Variants in NTRK3 observed in about 807,000 individuals in gnomAD.
NTRK3 encodes neurotrophic receptor tyrosine kinase 3.
In NTRK3, 24 loss-of-function variants were observed where a neutral mutation model predicts 91.7. The ratio of observed to expected loss-of-function variants is 0.26; its 90% CI spans 0.19 to 0.37. The LOEUF is 0.37. Among genes scored for constraint, NTRK3 ranks in the 10% least tolerant of loss-of-function variants. The pLI is 1.00. For synonymous variants in NTRK3, 483 were observed against 404.0 expected, an observed-to-expected ratio of 1.20 and a Z score of -2.34; for missense variants, 880 against 1,068.9, an observed-to-expected ratio of 0.82 and a Z score of 2.46.
intron 13 of NTRK3, among the ~76,000 whole-genome samples, chr15:88,053,960 A>G (rs1326674977): frequency 1.3e-5 from 2 of 152,162 alleles, no homozygotes; most frequent in African/African-American, 4.8e-5. Flanking sequence ...CAGGAAGCTG[A>G]TAGAAAGGTT....
Position 88,252,169 on chromosome 15 carries a change from C to T in NTRK3, c.248+3737G>A, listed in dbSNP as rs761735792. Among the ~76,000 whole-genome samples the T allele has an allele frequency of 2.0e-5, 3 of 152,316 alleles. No homozygotes were observed. The South Asian group carries it at 6.2e-4, about 32-fold the overall frequency. On this transcript the variant is annotated intron_variant, in intron 3 of 18. Coordinates refer to ENST00000394480, the Ensembl canonical transcript of NTRK3. ...CCCTCACATTTCTGCCCACCTCTCTCAGACCTAGTCCTAATCCTGGGGTTC... is the reference window on the plus strand; with the variant it reads ...CCCTCACATTTCTGCCCACCTCTCTTAGACCTAGTCCTAATCCTGGGGTTC...
At chr15:88,108,722 G>A (rs1431334969) in intron 13 of NTRK3, among the ~76,000 whole-genome samples, 3 of 152,198 alleles carry the variant, frequency 2.0e-5, no homozygotes, top group African/African-American at 7.2e-5. Flanking sequence ...CCAAAAAACA[G>A]ACTTGAGTCT....
exon 19 of NTRK3, chr15:87,863,096 G>A: frequency 4.3e-6 from 1 of 231,114 alleles, no homozygotes; most frequent in Non-Finnish European, 8.6e-6. Flanking sequence ...CTACTCTAAA[G>A]CATGCCCTTC....
rs903677283 is a variant in NTRK3, at chr15:87,897,174, A to T, written c.2134-16746T>A. Among the ~76,000 whole-genome samples, 3 of 152,158 alleles carry T rather than the reference A, an allele frequency of 2.0e-5. No homozygotes were observed. In the East Asian group the frequency reaches 5.8e-4, roughly 29 times the overall value. ...CCGTTTAGCAGTGTGAGCCTAGAGG[A>T]TAAATAGGCCCATTGTGATTCTCCC... On this transcript the variant is annotated intron_variant, in intron 17 of 18. Coordinates refer to ENST00000394480, the Ensembl canonical transcript of NTRK3.
chr15:87,870,167 TAAAG>T (rs1027365118), exon 19 of NTRK3: 2 of 183,392 alleles, frequency 1.1e-5, no homozygotes, highest in Admixed American at 1.3e-4. Context: ...AATGAGCAGA[TAAAG>T]AAACTGTGGT....
At chr15:87,960,712 C>T (rs752445324) in intron 14 of NTRK3, among the ~76,000 whole-genome samples, 5 of 152,142 alleles carry the variant, frequency 3.3e-5, no homozygotes, top group East Asian at 1.9e-4. Flanking sequence ...CTTGAACTCC[C>T]GGCCTCAAAG....
intron 5 of NTRK3, among the ~76,000 whole-genome samples, chr15:88,167,369 G>A (rs2045064521): frequency 6.6e-6 from 1 of 152,090 alleles, no homozygotes; most frequent in African/African-American, 2.4e-5. Context: ...CCAGGTGTTG[G>A]CAGCAGCATA....
intron 13 of NTRK3, among the ~76,000 whole-genome samples, chr15:88,094,860 T>C (rs529896581): frequency 1.3e-5 from 2 of 152,358 alleles, no homozygotes; most frequent in South Asian, 4.1e-4. Context: ...CAATTATTAT[T>C]ATTGCTTAAA....
At chr15:88,076,925 C>T (rs2047599729) in intron 13 of NTRK3, among the ~76,000 whole-genome samples, 1 of 151,966 alleles carries the variant, frequency 6.6e-6, no homozygotes, top group African/African-American at 2.4e-5. Flanking sequence ...AAACCCCCAC[C>T]TCTACCAAAA....
At position 88,197,094 on chromosome 15, in the gene NTRK3, C is replaced by CAAAAAAA. The variant is rs59553739; in HGVS notation, c.249-12802_249-12796dup. On this transcript the variant is annotated intron_variant, in intron 3 of 18. Transcript: ENST00000394480. ...AGAAGAGGTCTATGGTTGAGCAGGACAAAAAAAAAAAAAAAAAAAAAAAAA... is the reference window on the plus strand; with the variant it reads ...AGAAGAGGTCTATGGTTGAGCAGGACAAAAAAAAAAAAAAAAAAAAAAAAAAAAAAAA... Among the ~76,000 whole-genome samples the CAAAAAAA allele has an allele frequency of 1.2e-3, 70 of 56,572 alleles. 13 individuals are homozygous for CAAAAAAA. The highest frequency in any genetic ancestry group is 1.8e-3 in the Non-Finnish European group (49 of 27,796). The allele number at this position is 56,572 out of a possible 152,430, so 37.1% of individuals were successfully genotyped here. A position where few individuals can be genotyped will look rare whatever the true frequency, so the allele number is the denominator to read the frequency against.
chr15:88,094,155 C>CAGGAAGGGGCTT (rs2049321715), intron 13 of NTRK3, among the ~76,000 whole-genome samples: 1 of 152,110 alleles, frequency 6.6e-6, no homozygotes, highest in Non-Finnish European at 1.5e-5. Context: ...AAGTGGGCTG[C>CAGGAAGGGGCTT]AGGAAGGGGC....
intron 13 of NTRK3, among the ~76,000 whole-genome samples, chr15:88,111,985 C>T (rs1333505412): frequency 1.3e-5 from 2 of 151,382 alleles, no homozygotes; most frequent in African/African-American, 4.9e-5. Context: ...CGGCTCACTG[C>T]AAGCTCCGCC....
chr15:88,224,973 T>A (rs1263685644), intron 3 of NTRK3, among the ~76,000 whole-genome samples: 1 of 152,218 alleles, frequency 6.6e-6, no homozygotes, highest in East Asian at 1.9e-4. Context: ...GCTATTTTGA[T>A]CCTGTTTGCC....
At chr15:87,954,598 A>C in intron 14 of NTRK3, among the ~76,000 whole-genome samples, 1 of 152,256 alleles carries the variant, frequency 6.6e-6, no homozygotes, top group East Asian at 1.9e-4. Context: ...ATAGGAAAAA[A>C]AAATATTATC....
chr15:88,119,060 T>A (rs2052417779), intron 13 of NTRK3, among the ~76,000 whole-genome samples: 1 of 152,220 alleles, frequency 6.6e-6, no homozygotes. Flanking sequence ...TCCCTTTGAA[T>A]AGGAGAGTCG....
intron 5 of NTRK3, among the ~76,000 whole-genome samples, chr15:88,154,479 T>C (rs532937500): frequency 1.1e-4 from 17 of 152,362 alleles, no homozygotes; most frequent in African/African-American, 4.1e-4. Flanking sequence ...TCCTACATCA[T>C]TGATATATTT....
At chr15:88,088,332 T>C (rs2048697122) in intron 13 of NTRK3, among the ~76,000 whole-genome samples, 2 of 152,190 alleles carry the variant, frequency 1.3e-5, no homozygotes, top group Admixed American at 1.3e-4. Flanking sequence ...AGTATTAGAA[T>C]AATGTCATGA....
intron 14 of NTRK3, among the ~76,000 whole-genome samples, chr15:87,977,195 A>G (rs533391878): frequency 4.6e-5 from 7 of 152,252 alleles, no homozygotes; most frequent in African/African-American, 9.6e-5. Context: ...AAGACTCTCA[A>G]TGAAAGCAAC....
chr15:87,968,304 A>C (rs1001968226), intron 14 of NTRK3, among the ~76,000 whole-genome samples: 18 of 152,196 alleles, frequency 1.2e-4, no homozygotes, highest in African/African-American at 4.1e-4. Context: ...AAGTGAAAAG[A>C]AGTCCCAAGA....
Sources: gnomAD v4.1 joint callset for allele counts (sites outside exome capture counted in the v4.1 genomes callset) on GRCh38, gnomAD v4.1.1 for gene constraint, MANE v1.5 for transcripts, NCBI Gene and HGNC (gene_info 2026-07-23, HGNC 2026-07-21) for gene names.